MDGA2: variants seen among roughly 807,000 people sequenced by gnomAD.
MDGA2 encodes MAM domain containing glycosylphosphatidylinositol anchor 2.
A neutral mutation model predicts 117.8 loss-of-function variants in MDGA2; 40 were observed. The observed-to-expected ratio is 0.34, with a 90% CI of 0.26 to 0.44. The LOEUF (loss-of-function observed/expected upper bound fraction) is 0.44, where lower values mean the gene tolerates loss of function less well. Ranked by LOEUF, MDGA2 falls within the 20% of genes least tolerant of loss-of-function variation. MDGA2 has a pLI of 1.00. For synonymous variants in MDGA2, 452 were observed against 439.0 expected, an observed-to-expected ratio of 1.03 and a Z score of -0.37; for missense variants, 1,123 against 1,250.6, an observed-to-expected ratio of 0.90 and a Z score of 1.54.
At chr14:47,401,762 G>T (rs1051631349) in intron 1 of MDGA2, among the ~76,000 whole-genome samples, 1 of 152,174 alleles carries the variant, frequency 6.6e-6, no homozygotes, top group African/African-American at 2.4e-5. Flanking sequence ...TCACCTGAAA[G>T]CTCTCTTATG....
Position 46,920,029 on chromosome 14 carries a change from G to A in MDGA2, c.2221C>T (p.Arg741Trp), listed in dbSNP as rs1345693697. The change falls in exon 10 of 17, where the codon CGG (arginine) becomes TGG (tryptophan). Residue 741 changes from arginine to tryptophan, a missense_variant. Coordinates refer to ENST00000399232, the MANE Select transcript of MDGA2 (RefSeq NM_001113498.3). ...PDAVDRIVAYRLGIRQAGQQR... is the reference protein window; with the variant it reads ...PDAVDRIVAYWLGIRQAGQQR... The stretch of plus-strand genomic sequence containing the variant: ...TTTCTCACCTGCCTGATGCCCAACC[G>A]GTATGCAACAATCCGATCCACTGCA... 7.6e-6 allele frequency: 12 copies of A among 1,579,312 alleles called. 1 individual carries two copies. Among genetic ancestry groups the A allele is most frequent in the South Asian group, 4.9e-5 (4 of 82,290 alleles).
chr14:47,155,888 C>CTATTTTTTT (rs1883357381), intron 3 of MDGA2, among the ~76,000 whole-genome samples: 1 of 40,166 alleles, frequency 2.5e-5, no homozygotes, highest in Non-Finnish European at 4.3e-5. Flanking sequence ...TCTTCTTCTT[C>CTATTTTTTT]TTTTTTTTTT....
chr14:47,141,105 C>T (rs898479546), intron 4 of MDGA2, among the ~76,000 whole-genome samples: 2 of 152,082 alleles, frequency 1.3e-5, no homozygotes, highest in Non-Finnish European at 2.9e-5. Flanking sequence ...CTATCACCTC[C>T]CTCCCATTAG....
At chr14:47,094,433 T>G (rs1351865264) in intron 6 of MDGA2, among the ~76,000 whole-genome samples, 5 of 152,038 alleles carry the variant, frequency 3.3e-5, no homozygotes, top group Non-Finnish European at 5.9e-5. Flanking sequence ...TAGGCACATA[T>G]TTGTTGTTCA....
At chr14:47,603,818 G>T (rs573031905) in intron 1 of MDGA2, among the ~76,000 whole-genome samples, 1 of 152,068 alleles carries the variant, frequency 6.6e-6, no homozygotes, top group African/African-American at 2.4e-5. Flanking sequence ...CCAGTGGATG[G>T]CTTAGCACCA....
chr14:47,461,918 A>T (rs1233173151), intron 1 of MDGA2, among the ~76,000 whole-genome samples: 1 of 152,196 alleles, frequency 6.6e-6, no homozygotes, highest in Non-Finnish European at 1.5e-5. Context: ...TAGTCCCTGA[A>T]ATAAAATCTG....
intron 3 of MDGA2, among the ~76,000 whole-genome samples, chr14:47,209,869 A>G (rs950715749): frequency 3.3e-5 from 5 of 152,166 alleles, no homozygotes; most frequent in Non-Finnish European, 5.9e-5. Flanking sequence ...TCCAAACCCA[A>G]GGCTGATGTT....
At chr14:47,368,005 C>G (rs1204823605) in intron 1 of MDGA2, among the ~76,000 whole-genome samples, 1 of 152,016 alleles carries the variant, frequency 6.6e-6, no homozygotes, top group Non-Finnish European at 1.5e-5. Flanking sequence ...TATGGCCGGG[C>G]GTGGTGGCTC....
intron 9 of MDGA2, among the ~76,000 whole-genome samples, chr14:46,925,141 A>T (rs1430249804): frequency 6.6e-6 from 1 of 152,210 alleles, no homozygotes; most frequent in African/African-American, 2.4e-5. Context: ...ATACTGCTGG[A>T]GTGCTTGAAA....
chr14:47,341,993 C>T (rs1890638365), intron 1 of MDGA2, among the ~76,000 whole-genome samples: 1 of 152,016 alleles, frequency 6.6e-6, no homozygotes. Flanking sequence ...GCCAGCACCA[C>T]CAGGCCCGGA....
At chr14:47,237,293 T>C (rs1205083369) in intron 2 of MDGA2, among the ~76,000 whole-genome samples, 1 of 152,142 alleles carries the variant, frequency 6.6e-6, no homozygotes, top group East Asian at 1.9e-4. Context: ...CTCTAACTTC[T>C]AACATAATCA....
At chr14:47,569,882 T>C (rs752897636) in intron 1 of MDGA2, among the ~76,000 whole-genome samples, 1 of 152,220 alleles carries the variant, frequency 6.6e-6, no homozygotes, top group Non-Finnish European at 1.5e-5. Flanking sequence ...AAGGTTCATC[T>C]TAAGCATGAG....
At chr14:47,416,264 C>G (rs1011835056) in intron 1 of MDGA2, among the ~76,000 whole-genome samples, 1 of 151,004 alleles carries the variant, frequency 6.6e-6, no homozygotes, top group African/African-American at 2.4e-5. Flanking sequence ...AACAGTGAAA[C>G]AGGAATAGCA....
At chr14:47,569,038 A>C (rs17118930) in intron 1 of MDGA2, among the ~76,000 whole-genome samples, 19 of 152,082 alleles carry the variant, frequency 1.2e-4, no homozygotes, top group Admixed American at 4.6e-4. Flanking sequence ...TTGATATAAA[A>C]TCGGCTGATT....
intron 1 of MDGA2, among the ~76,000 whole-genome samples, chr14:47,469,399 G>T (rs867724303): frequency 1.3e-5 from 2 of 152,264 alleles, no homozygotes; most frequent in African/African-American, 4.8e-5. Flanking sequence ...GTGAGAATAT[G>T]CGGTGTTTGG....
At chr14:47,369,538 T>C (rs1032666687) in intron 1 of MDGA2, among the ~76,000 whole-genome samples, 1 of 151,954 alleles carries the variant, frequency 6.6e-6, no homozygotes, top group African/African-American at 2.4e-5. Context: ...ACCACCACCC[T>C]CCACCCTGCA....
At chr14:47,068,415 A>AT (rs201807202) in intron 6 of MDGA2, among the ~76,000 whole-genome samples, 4,621 of 144,510 alleles carry the variant, frequency 0.032, 76 homozygotes, top group African/African-American at 0.038. Flanking sequence ...TAAGAAAAAA[A>AT]AAATATATAT....
chr14:47,321,861 C>T (rs969743934), intron 1 of MDGA2, among the ~76,000 whole-genome samples: 2 of 152,140 alleles, frequency 1.3e-5, no homozygotes, highest in African/African-American at 4.8e-5. Flanking sequence ...TAATTGGTAA[C>T]ATTCAAAAAA....
chr14:47,588,120 T>C (rs1047859368), intron 1 of MDGA2, among the ~76,000 whole-genome samples: 2 of 151,384 alleles, frequency 1.3e-5, no homozygotes, highest in Non-Finnish European at 3.0e-5. Context: ...TATCTACTTA[T>C]AGGTGGATGA....
Sources: allele counts gnomAD v4.1 joint callset (sites outside exome capture counted in the v4.1 genomes callset), GRCh38; gene constraint gnomAD v4.1.1; transcripts MANE v1.5; gene names NCBI Gene and HGNC (gene_info 2026-07-23, HGNC 2026-07-21).